The following DBF4 variants were observed in gnomAD, a reference collection of about 807,000 sequenced individuals.
DBF4 encodes the protein protein DBF4 homolog A.
In DBF4, 25 loss-of-function variants were observed where a neutral mutation model predicts 76.6. The observed-to-expected ratio is 0.33, with a 90% CI of 0.24 to 0.46. The LOEUF (loss-of-function observed/expected upper bound fraction) is 0.46, where lower values mean the gene tolerates loss of function less well. Among genes scored for constraint, DBF4 ranks in the 20% least tolerant of loss-of-function variants. The probability of loss-of-function intolerance (pLI) is 1.00; values close to 1 mark genes in which losing one functional copy is unlikely to be tolerated. For synonymous variants in DBF4, 213 were observed against 258.0 expected (o/e 0.83, Z 1.67); for missense variants, 638 against 760.8 (o/e 0.84, Z 1.90).
At chr7:87,893,236 CTTTTTTTTT>C (rs869114624) in intron 6 of DBF4, among the ~76,000 whole-genome samples, 3 of 126,746 alleles carry the variant, frequency 2.4e-5, no homozygotes, top group Admixed American at 1.6e-4. Context: ...ATTTAATATT[CTTTTTTTTT>C]TTTTTTTTTT....
chr7:87,897,359 C>A lies in DBF4; in HGVS notation c.680+20C>A, dbSNP rs1839668306. 1 of 1,609,458 alleles carries A rather than the reference C, an allele frequency of 6.2e-7. No homozygotes were observed. The highest frequency in any genetic ancestry group is 1.1e-5 in the South Asian group (1 of 90,178). On this transcript the variant is annotated intron_variant, in intron 8 of 11. Coordinates refer to ENST00000265728, the MANE Select transcript of DBF4 (RefSeq NM_006716.4). ...GAGCCAGTAAGTATTTAAGTCCAAT[C>A]TGTATGATTTAAGTGCAATACTAAA...
At chr7:87,888,362 T>A in intron 6 of DBF4, 1 of 956,028 alleles carries the variant, frequency 1.0e-6, no homozygotes, top group Non-Finnish European at 1.2e-6. Flanking sequence ...GTATAAACGT[T>A]CCTAATGTAA....
chr7:87,880,175 G>A (rs1839177119), intron 2 of DBF4, among the ~76,000 whole-genome samples: 1 of 152,148 alleles, frequency 6.6e-6, no homozygotes, highest in Non-Finnish European at 1.5e-5. Flanking sequence ...CAGCAGTACA[G>A]AGGCTAAAGC....
intron 2 of DBF4, among the ~76,000 whole-genome samples, chr7:87,880,625 C>T (rs996172151): frequency 6.6e-6 from 1 of 152,106 alleles, no homozygotes; most frequent in East Asian, 1.9e-4. Flanking sequence ...ATCTTCACAT[C>T]ATTACTTTAG....
chr7:87,900,179 A>T, intron 8 of DBF4, 42 bp from the exon 9 acceptor site: 1 of 1,483,588 alleles, frequency 6.7e-7, no homozygotes, highest in Admixed American at 2.1e-5. Flanking sequence ...TTTTTTCTTT[A>T]ATCATAAAGA....
Position 87,904,375 on chromosome 7 carries a change from T to G in DBF4, c.1008T>G (p.Phe336Leu). Residue 336 changes from phenylalanine to leucine, a missense_variant, in exon 11 of 12, where the codon TTT becomes TTG. By Grantham distance (22) the Phe-to-Leu change is conservative. Transcript: ENST00000265728. Reference sequence around the variant, plus strand: ...ATGATATTGTATCTAAGTTAGTTTTTGACTTTGTGGAATATGAAAAGGACA... The same window carrying G: ...ATGATATTGTATCTAAGTTAGTTTTGGACTTTGTGGAATATGAAAAGGACA... ...VVDDIVSKLV[F>L]DFVEYEKDTP... is the part of the protein sequence containing the mutation. The G allele has an allele frequency of 6.2e-7, 1 of 1,613,762 alleles. No individual in the cohort carries two copies. The highest frequency in any genetic ancestry group is 1.1e-5 in the South Asian group (1 of 91,024).
intron 2 of DBF4, among the ~76,000 whole-genome samples, chr7:87,882,457 A>G (rs1042555284): frequency 2.0e-5 from 3 of 152,336 alleles, no homozygotes; most frequent in Admixed American, 6.5e-5. Context: ...AACAAATGAA[A>G]AGTATGAAAT....
At chr7:87,886,535 C>CA (rs11411808) in intron 3 of DBF4, among the ~76,000 whole-genome samples, 18,260 of 51,560 alleles carry the variant, frequency 0.35, 1,683 homozygotes, top group Non-Finnish European at 0.39. Flanking sequence ...ACTTTGTCTC[C>CA]AAAAAAAAAA....
chr7:87,884,746 G>A (rs768213565), intron 2 of DBF4, among the ~76,000 whole-genome samples: 3 of 152,182 alleles, frequency 2.0e-5, no homozygotes, highest in Admixed American at 2.0e-4. Flanking sequence ...ATTTTTTACT[G>A]TGCTTGGCAT....
chr7:87,879,951 C>CAA lies in DBF4; in HGVS notation c.219+1741_219+1742dup, dbSNP rs78858917. 4.2e-3 allele frequency among the ~76,000 whole-genome samples: 420 copies of CAA among 100,440 alleles called. 4 individuals are homozygous for CAA. The East Asian group carries it at 0.06, about 14-fold the overall frequency. 65.9% of individuals were successfully genotyped at this position (100,440 alleles called of 152,430 possible). ...ATGAGTGACAGTGAGACCCTATGTCCAAAAAAAAAAAAAAAAGGTAGCTCA... is the reference window on the plus strand; with the variant it reads ...ATGAGTGACAGTGAGACCCTATGTCCAAAAAAAAAAAAAAAAAAGGTAGCTCA... On this transcript the variant is annotated intron_variant, in intron 2 of 11. Coordinates refer to ENST00000265728, the MANE Select transcript of DBF4 (RefSeq NM_006716.4).
chr7:87,904,194 A>T, intron 10 of DBF4, 98 bp from the exon 11 acceptor site: 1 of 1,290,262 alleles, frequency 7.8e-7, no homozygotes, highest in Non-Finnish European at 1.0e-6. Flanking sequence ...TTGGAAACCT[A>T]ATTTTAGGGG....
At position 87,882,528 on chromosome 7, in the gene DBF4, C is replaced by A. The variant is rs117436259; in HGVS notation, c.220-2451C>A. ...AAGGACATTTTCAGGAGTGAAAGAA[C>A]GCACAGAATTGCAGGAAATCTTTGC... On this transcript the variant is annotated intron_variant, in intron 2 of 11. Coordinates refer to ENST00000265728, the MANE Select transcript of DBF4 (RefSeq NM_006716.4). Among the ~76,000 whole-genome samples, 231 of 152,196 alleles carry A rather than the reference C, an allele frequency of 1.5e-3. 2 individuals are homozygous for A. Among genetic ancestry groups the A allele is most frequent in the African/African-American group, 5.3e-3 (222 of 41,546 alleles).
Position 87,876,596 on chromosome 7 carries a change from C to G in DBF4, c.-137C>G. The G allele has an allele frequency of 1.0e-6, 1 of 967,672 alleles. No individual in the cohort carries two copies. The highest frequency in any genetic ancestry group is 1.6e-6 in the Non-Finnish European group (1 of 630,526). 59.9% of individuals were successfully genotyped at this position (967,672 alleles called of 1,614,324 possible). A position where few individuals can be genotyped will look rare whatever the true frequency, so the allele number is the denominator to read the frequency against. On this transcript the variant is annotated 5_prime_UTR_variant, in exon 1 of 12. Transcript: ENST00000265728. ...GAAACCCGACCTGCAGACGCGGTAC[C>G]TCTACTGCGTAGAGGCCGTAGCTGG...
In DBF4 at chr7:87,884,485, A is replaced by G. The variant is rs73706949; in HGVS notation, c.220-494A>G. Among the ~76,000 whole-genome samples, 1,343 of 152,330 alleles carry G rather than the reference A, an allele frequency of 8.8e-3. 25 individuals are homozygous for G. Among genetic ancestry groups the G allele is most frequent in the African/African-American group, 0.031 (1,276 of 41,574 alleles). On this transcript the variant is annotated intron_variant, in intron 2 of 11. Coordinates refer to ENST00000265728, the MANE Select transcript of DBF4 (RefSeq NM_006716.4). ...GAGTCAGAATGCCTATGTTCAAATT[A>G]TATTATTTGCTACTGGGTAACATTA...
rs561452888 is a variant in DBF4, at chr7:87,886,702, T to C, written c.400-142T>C. On this transcript the variant is annotated intron_variant, in intron 3 of 11. Transcript: ENST00000265728. ...TTTATTTTTCATGTTGAATAGAATT[T>C]ACTACAAAACCAAAGAGGTCACCCA... 47 of 585,734 alleles carry C rather than the reference T, an allele frequency of 8.0e-5. 1 individual carries two copies. The South Asian group carries it at 9.5e-4, about 12-fold the overall frequency. The allele number at this position is 585,734 out of a possible 1,614,324, so 36.3% of individuals were successfully genotyped here.
At chr7:87,884,508 T>G (rs1244740625) in intron 2 of DBF4, among the ~76,000 whole-genome samples, 1 of 152,202 alleles carries the variant, frequency 6.6e-6, no homozygotes, top group Non-Finnish European at 1.5e-5. Flanking sequence ...CTGGGTAACA[T>G]TAAGCAAGTC....
chr7:87,887,829 C>A, intron 5 of DBF4, 154 bp from the exon 6 acceptor site: 1 of 723,894 alleles, frequency 1.4e-6, no homozygotes, highest in Non-Finnish European at 2.1e-6. Flanking sequence ...GGTTAAATTT[C>A]AACATGAGTT....
At chr7:87,887,646 C>T (rs1221346100) in intron 5 of DBF4, among the ~76,000 whole-genome samples, 1 of 152,148 alleles carries the variant, frequency 6.6e-6, no homozygotes, top group Admixed American at 6.5e-5. Context: ...TTGGTGGAGA[C>T]TCTGCAGAGT....
rs931264137 is a variant in DBF4, at chr7:87,894,111, T to C, written c.598-2363T>C. 5.9e-5 allele frequency among the ~76,000 whole-genome samples: 9 copies of C among 152,210 alleles called. 1 individual carries two copies. Among genetic ancestry groups the C allele is most frequent in the Admixed American group, 5.9e-4 (9 of 15,286 alleles). Reference sequence around the variant, plus strand: ...TTTATGCCATAATGTTTAGTACATCTTCTTATAATGAAAATGTCACCAGAC... The same window carrying C: ...TTTATGCCATAATGTTTAGTACATCCTCTTATAATGAAAATGTCACCAGAC... On this transcript the variant is annotated intron_variant, in intron 6 of 11. Coordinates refer to ENST00000265728, the MANE Select transcript of DBF4 (RefSeq NM_006716.4).
Sources: gnomAD v4.1 joint callset for allele counts (sites outside exome capture counted in the v4.1 genomes callset) on GRCh38, gnomAD v4.1.1 for gene constraint, MANE v1.5 for transcripts, NCBI Gene and HGNC (gene_info 2026-07-23, HGNC 2026-07-21) for gene names.